The following SLC9A9 variants were observed in gnomAD, a reference collection of about 807,000 sequenced individuals.
SLC9A9 encodes the protein sodium/hydrogen exchanger 9.
SLC9A9 carries 62 observed loss-of-function variants against 77.8 expected under a neutral mutation model. The observed-to-expected ratio is 0.80, with a 90% confidence interval of 0.65 to 0.98. SLC9A9 has a LOEUF of 0.98. SLC9A9 is among the 50% of genes least tolerant of loss of function. SLC9A9 has a pLI of 0.00. For synonymous variants in SLC9A9, 320 were observed against 283.5 expected (o/e 1.13, Z -1.29); for missense variants, 775 against 774.9 (o/e 1.00, Z 0.00).
At chr3:143,409,928 G>A (rs1477505311) in intron 12 of SLC9A9, among the ~76,000 whole-genome samples, 1 of 152,216 alleles carries the variant, frequency 6.6e-6, no homozygotes, top group Non-Finnish European at 1.5e-5. Flanking sequence ...GAGCTGAAGT[G>A]CTACAGTTGA....
intron 6 of SLC9A9, among the ~76,000 whole-genome samples, chr3:143,597,960 G>A (rs143166879): frequency 1.8e-4 from 27 of 152,278 alleles, no homozygotes; most frequent in Middle Eastern, 3.4e-3. Flanking sequence ...AGCAGTGGGC[G>A]CTGCCTTCCC....
chr3:143,351,630 G>C (rs1453392428), intron 14 of SLC9A9, among the ~76,000 whole-genome samples: 2 of 152,160 alleles, frequency 1.3e-5, no homozygotes, highest in Non-Finnish European at 2.9e-5. Context: ...TTGAGGTGGG[G>C]AAGATTTCTC....
chr3:143,713,470 T>A (rs1250165653), intron 4 of SLC9A9, among the ~76,000 whole-genome samples: 1 of 152,122 alleles, frequency 6.6e-6, no homozygotes, highest in Non-Finnish European at 1.5e-5. Flanking sequence ...GAAAAAGGAT[T>A]TAATCTATGT....
At chr3:143,361,377 G>A (rs12489162) in intron 14 of SLC9A9, among the ~76,000 whole-genome samples, 60,213 of 152,044 alleles carry the variant, frequency 0.4, 12,112 homozygotes, top group Admixed American at 0.42. Flanking sequence ...AGGATGAGGG[G>A]CTAATCTCTA....
intron 9 of SLC9A9, among the ~76,000 whole-genome samples, chr3:143,551,718 G>T (rs1404473861): frequency 2.0e-5 from 3 of 152,214 alleles, no homozygotes; most frequent in Non-Finnish European, 4.4e-5. Context: ...ATTGTGGCAA[G>T]TTGTTTGCGA....
At chr3:143,284,759 A>G (rs1398763057) in intron 14 of SLC9A9, among the ~76,000 whole-genome samples, 2 of 152,044 alleles carry the variant, frequency 1.3e-5, no homozygotes, top group African/African-American at 4.8e-5. Flanking sequence ...TTTTCAAAAA[A>G]CTTGAAGTCT....
Position 143,474,942 on chromosome 3 carries a change from C to T in SLC9A9, c.1316-7752G>A, listed in dbSNP as rs189761116. Among the ~76,000 whole-genome samples, 820 of 144,296 alleles carry T rather than the reference C, an allele frequency of 5.7e-3. 6 individuals are homozygous for T. The highest frequency in any genetic ancestry group is 0.02 in the African/African-American group (752 of 38,542). 94.7% of individuals were successfully genotyped at this position (144,296 alleles called of 152,430 possible). A position where few individuals can be genotyped will look rare whatever the true frequency, so the allele number is the denominator to read the frequency against. Reference sequence around the variant, plus strand: ...CTGCCCTGACCATCAGACCTAAGTGCTCTCACCTTCACCCAGGTTTTTTTT... The same window carrying T: ...CTGCCCTGACCATCAGACCTAAGTGTTCTCACCTTCACCCAGGTTTTTTTT... On this transcript the variant is annotated intron_variant, in intron 11 of 15. Transcript: ENST00000316549.
At chr3:143,306,280 C>T (rs1312738915) in intron 14 of SLC9A9, among the ~76,000 whole-genome samples, 7 of 152,310 alleles carry the variant, frequency 4.6e-5, no homozygotes, top group Admixed American at 3.3e-4. Flanking sequence ...ATTCTCAAAT[C>T]CACACACCTT....
Position 143,266,269 on chromosome 3 carries a change from C to T in SLC9A9, c.*433G>A. Reference sequence around the variant, plus strand: ...TTACTAAATAGCTGGGCATTCCCTTCAGCTTAGGAGCAAAATGTTTACTCT... The same window carrying T: ...TTACTAAATAGCTGGGCATTCCCTTTAGCTTAGGAGCAAAATGTTTACTCT... On this transcript the variant is annotated 3_prime_UTR_variant, in exon 16 of 16. Coordinates refer to ENST00000316549, the MANE Select transcript of SLC9A9 (RefSeq NM_173653.4). 1.7e-6 allele frequency: 1 copy of T among 599,708 alleles called. No homozygotes were observed. The highest frequency in any genetic ancestry group is 3.0e-6 in the Non-Finnish European group (1 of 338,088). The allele number at this position is 599,708 out of a possible 1,614,324, so 37.1% of individuals were successfully genotyped here. A position where few individuals can be genotyped will look rare whatever the true frequency, so the allele number is the denominator to read the frequency against.
At chr3:143,280,784 C>T (rs529463414) in intron 14 of SLC9A9, among the ~76,000 whole-genome samples, 1 of 152,232 alleles carries the variant, frequency 6.6e-6, no homozygotes, top group East Asian at 1.9e-4. Flanking sequence ...AACTCCTGAC[C>T]TCAGGTGACC....
intron 6 of SLC9A9, among the ~76,000 whole-genome samples, chr3:143,584,266 T>C (rs569883476): frequency 6.6e-6 from 1 of 152,144 alleles, no homozygotes; most frequent in African/African-American, 2.4e-5. Context: ...GCCGCACAGT[T>C]ACCCACAGAA....
intron 2 of SLC9A9, among the ~76,000 whole-genome samples, chr3:143,799,434 T>C (rs993254336): frequency 6.6e-6 from 1 of 152,196 alleles, no homozygotes; most frequent in African/African-American, 2.4e-5. Flanking sequence ...TATTTCTGAG[T>C]TGCAATTCCT....
intron 11 of SLC9A9, among the ~76,000 whole-genome samples, chr3:143,478,954 T>C (rs1159232038): frequency 6.6e-6 from 1 of 152,244 alleles, no homozygotes; most frequent in African/African-American, 2.4e-5. Flanking sequence ...TGTGACACTT[T>C]GGATATCCTA....
intron 6 of SLC9A9, among the ~76,000 whole-genome samples, chr3:143,633,030 T>C (rs1020457521): frequency 6.6e-5 from 10 of 152,226 alleles, no homozygotes; most frequent in Admixed American, 3.3e-4. Context: ...TCATTTAAAG[T>C]CAAGTTTTGC....
intron 6 of SLC9A9, among the ~76,000 whole-genome samples, chr3:143,596,037 T>C (rs1349481434): frequency 6.6e-6 from 1 of 152,172 alleles, no homozygotes; most frequent in Non-Finnish European, 1.5e-5. Flanking sequence ...TTTTGCAATA[T>C]GTTTCCTATA....
At chr3:143,285,525 C>T (rs948740562) in intron 14 of SLC9A9, among the ~76,000 whole-genome samples, 2 of 152,156 alleles carry the variant, frequency 1.3e-5, no homozygotes, top group African/African-American at 2.4e-5. Context: ...TCTAACATGC[C>T]CCCTCTTTAA....
intron 6 of SLC9A9, among the ~76,000 whole-genome samples, chr3:143,591,963 A>G (rs1014151738): frequency 6.6e-6 from 1 of 152,216 alleles, no homozygotes; most frequent in Admixed American, 6.5e-5. Context: ...GGACTCAGGA[A>G]ATCAATATTC....
At chr3:143,652,480 A>G (rs2038814178) in intron 5 of SLC9A9, 120 bp from the exon 6 acceptor site, 2 of 767,342 alleles carry the variant, frequency 2.6e-6, no homozygotes, top group South Asian at 3.0e-5. Flanking sequence ...CAATGACTAT[A>G]CTAACACCAG....
chr3:143,361,302 T>C (rs2032746780), intron 14 of SLC9A9, among the ~76,000 whole-genome samples: 1 of 152,212 alleles, frequency 6.6e-6, no homozygotes, highest in Non-Finnish European at 1.5e-5. Flanking sequence ...AGCTCCAAAC[T>C]ACATAGCCAA....
Sources: gnomAD v4.1 joint callset for allele counts (sites outside exome capture counted in the v4.1 genomes callset) on GRCh38, gnomAD v4.1.1 for gene constraint, MANE v1.5 for transcripts, NCBI Gene and HGNC (gene_info 2026-07-23, HGNC 2026-07-21) for gene names.